The following BBS9 variants were observed in gnomAD, a reference collection of about 807,000 sequenced individuals.
BBS9 encodes Bardet-Biedl syndrome 9.
A neutral mutation model predicts 117.7 loss-of-function variants in BBS9; 89 were observed. The observed-to-expected ratio is 0.76, with a 90% CI of 0.64 to 0.90. BBS9 has a LOEUF of 0.90. Ranked by LOEUF, BBS9 falls within the 40% of genes least tolerant of loss-of-function variation. The probability of loss-of-function intolerance (pLI) is 0.00; values close to 1 mark genes in which losing one functional copy is unlikely to be tolerated. For synonymous variants in BBS9, 379 were observed against 370.9 expected (o/e 1.02, Z -0.25); for missense variants, 982 against 1,042.2 (o/e 0.94, Z 0.80).
At chr7:33,200,671 C>CT (rs1785693888) in intron 5 of BBS9, among the ~76,000 whole-genome samples, 1 of 152,108 alleles carries the variant, frequency 6.6e-6, no homozygotes, top group African/African-American at 2.4e-5. Context: ...TCCTGGAGAC[C>CT]TTCCTGTTAT....
chr7:33,427,139 G>A (rs1833778316), intron 19 of BBS9, among the ~76,000 whole-genome samples: 1 of 152,132 alleles, frequency 6.6e-6, no homozygotes, highest in African/African-American at 2.4e-5. Context: ...TTACCTGTGG[G>A]AATCTGGGCT....
chr7:33,215,777 C>T (rs1362087085), intron 5 of BBS9, among the ~76,000 whole-genome samples: 1 of 152,172 alleles, frequency 6.6e-6, no homozygotes, highest in Non-Finnish European at 1.5e-5. Flanking sequence ...ACATATTCTC[C>T]CTTACATGCG....
At chr7:33,474,837 T>C (rs1308258737) in intron 19 of BBS9, among the ~76,000 whole-genome samples, 1 of 152,136 alleles carries the variant, frequency 6.6e-6, no homozygotes, top group Non-Finnish European at 1.5e-5. Flanking sequence ...TCCCAGTTAC[T>C]TGGGAGGCTG....
chr7:33,166,535 C>T (rs192228661), intron 4 of BBS9, among the ~76,000 whole-genome samples: 11 of 152,368 alleles, frequency 7.2e-5, no homozygotes, highest in Non-Finnish European at 8.8e-5. Context: ...TTCCTCCAGC[C>T]GCTTTGTTTA....
Position 33,171,123 on chromosome 7 carries a change from GA to G in BBS9, c.329-6349del, listed in dbSNP as rs1192043243. Among the ~76,000 whole-genome samples the G allele has an allele frequency of 4.6e-5, 7 of 152,116 alleles. No individual in the cohort carries two copies. The East Asian group carries it at 1.4e-3, about 29-fold the overall frequency. ...AACTACTTTAAAGTTCATATGGAATGAAAAAAGAGCCCGCATCGCCAAGTCA... is the reference window on the plus strand; with the variant it reads ...AACTACTTTAAAGTTCATATGGAATGAAAAAGAGCCCGCATCGCCAAGTCA... On this transcript the variant is annotated intron_variant, in intron 4 of 22. Transcript: ENST00000242067.
chr7:33,202,325 T>C (rs1786027279), intron 5 of BBS9, among the ~76,000 whole-genome samples: 1 of 152,208 alleles, frequency 6.6e-6, no homozygotes, highest in Non-Finnish European at 1.5e-5. Context: ...TTCTTCTATA[T>C]GAGCATTTTA....
chr7:33,556,903 A>G (rs10486537), intron 21 of BBS9, among the ~76,000 whole-genome samples: 20,028 of 152,206 alleles, frequency 0.13, 1,578 homozygotes, highest in African/African-American at 0.2. Context: ...GCCTGTCTAC[A>G]AGAAGACTAA....
Position 33,168,136 on chromosome 7 carries a change from A to G in BBS9, c.329-9342A>G, listed in dbSNP as rs540594037. Among the ~76,000 whole-genome samples, 4 of 152,300 alleles carry G rather than the reference A, an allele frequency of 2.6e-5. No individual in the cohort carries two copies. The East Asian group carries it at 7.7e-4, about 29-fold the overall frequency. On this transcript the variant is annotated intron_variant, in intron 4 of 22. Transcript: ENST00000242067. ...TTTAACCTTTCAGATAATCCTGTTT[A>G]TCTCCTTTTGGCTGCTTCAGGTGCC... is the stretch of plus-strand genomic sequence containing the variant.
At chr7:33,445,647 G>A (rs543440198) in intron 19 of BBS9, among the ~76,000 whole-genome samples, 3 of 152,128 alleles carry the variant, frequency 2.0e-5, no homozygotes, top group Admixed American at 6.5e-5. Context: ...ATATTGATAT[G>A]GTTTGGCTGT....
chr7:33,592,678 GT>G (rs1862129958), intron 21 of BBS9, among the ~76,000 whole-genome samples: 2 of 152,146 alleles, frequency 1.3e-5, no homozygotes, highest in African/African-American at 2.4e-5. Context: ...TGGACTCTCA[GT>G]TTCCTAATCA....
intron 21 of BBS9, among the ~76,000 whole-genome samples, chr7:33,595,986 A>G (rs1468468276): frequency 6.6e-6 from 1 of 151,998 alleles, no homozygotes; most frequent in African/African-American, 2.4e-5. Flanking sequence ...ACACATGGAC[A>G]CAAGGAGGGG....
At position 33,415,092 on chromosome 7, in the gene BBS9, T is replaced by C. The variant is rs570289732; in HGVS notation, c.2115+26948T>C. ...AATTCCTGGGGTTCCTTAAGTCCCA[T>C]TTTGGAAAAACCAATGACCTTCATG... On this transcript the variant is annotated intron_variant, in intron 19 of 22. Coordinates refer to ENST00000242067, the MANE Select transcript of BBS9 (RefSeq NM_198428.3). Among the ~76,000 whole-genome samples the C allele has an allele frequency of 3.9e-5, 6 of 152,248 alleles. No individual in the cohort carries two copies. The South Asian group carries it at 8.3e-4, about 21-fold the overall frequency.
chr7:33,597,108 C>T lies in BBS9; in HGVS notation c.2522-7757C>T, dbSNP rs939479212. ...ACACACACACACACACACACACACACACACAGTAAAATTTCTCCAAATGAA... is the reference window on the plus strand; with the variant it reads ...ACACACACACACACACACACACACATACACAGTAAAATTTCTCCAAATGAA... On this transcript the variant is annotated intron_variant, in intron 21 of 22. Transcript: ENST00000242067. Among the ~76,000 whole-genome samples, 220 of 144,736 alleles carry T rather than the reference C, an allele frequency of 1.5e-3. 1 individual carries two copies. Among genetic ancestry groups the T allele is most frequent in the Middle Eastern group, 3.5e-3 (1 of 288 alleles). 95.0% of individuals were successfully genotyped at this position (144,736 alleles called of 152,430 possible). A position where few individuals can be genotyped will look rare whatever the true frequency, so the allele number is the denominator to read the frequency against.
chr7:33,135,241 A>G (rs746208058), intron 1 of BBS9, among the ~76,000 whole-genome samples: 31 of 152,304 alleles, frequency 2.0e-4, no homozygotes, highest in Non-Finnish European at 4.1e-4. Context: ...CTAAGAATCC[A>G]TTGCCAAATC....
intron 5 of BBS9, among the ~76,000 whole-genome samples, chr7:33,217,343 A>G (rs1389246305): frequency 6.6e-6 from 1 of 152,166 alleles, no homozygotes; most frequent in East Asian, 1.9e-4. Context: ...TTGCTATAGC[A>G]TAATTTAAGA....
chr7:33,296,394 C>G (rs1805283030), intron 9 of BBS9, among the ~76,000 whole-genome samples: 1 of 152,100 alleles, frequency 6.6e-6, no homozygotes, highest in South Asian at 2.1e-4. Flanking sequence ...TCTTGATACC[C>G]AATTGCTTTA....
chr7:33,185,424 GGTTGA>G (rs1428636359), intron 5 of BBS9, among the ~76,000 whole-genome samples: 7 of 152,076 alleles, frequency 4.6e-5, no homozygotes, highest in African/African-American at 1.7e-4. Context: ...AGAGTGGAGA[GGTTGA>G]GTTATTAAGT....
chr7:33,236,018 T>C (rs1388722054), intron 5 of BBS9, among the ~76,000 whole-genome samples: 2 of 152,122 alleles, frequency 1.3e-5, no homozygotes, highest in African/African-American at 4.8e-5. Context: ...ACACCACTAC[T>C]GTATTGTTTA....
rs548811567 is a variant in BBS9, at chr7:33,247,665, C to G, written c.443-9571C>G. On this transcript the variant is annotated intron_variant, in intron 5 of 22. Transcript: ENST00000242067. ...CATTGTTGTACTATTTAATTAACTC[C>G]CATGTTCACCCAACTTTCTGAGAGT... is the stretch of plus-strand genomic sequence containing the variant. Among the ~76,000 whole-genome samples the G allele has an allele frequency of 3.9e-5, 6 of 152,200 alleles. No individual in the cohort carries two copies. The South Asian group carries it at 6.2e-4, about 16-fold the overall frequency.
Sources: gnomAD v4.1 joint callset for allele counts (sites outside exome capture counted in the v4.1 genomes callset) on GRCh38, gnomAD v4.1.1 for gene constraint, MANE v1.5 for transcripts, NCBI Gene and HGNC (gene_info 2026-07-23, HGNC 2026-07-21) for gene names.